FILIP1: variants seen among roughly 807,000 people sequenced by gnomAD.
FILIP1 encodes the protein filamin A interacting protein 1.
Under a neutral mutation model 102.1 loss-of-function variants are expected in FILIP1, and 61 were observed. The ratio of observed to expected loss-of-function variants is 0.60; its 90% CI spans 0.49 to 0.74. The LOEUF is 0.74. FILIP1 is among the 30% of genes least tolerant of loss of function. The pLI is 0.00. For synonymous variants in FILIP1, 491 were observed against 526.9 expected (o/e 0.93, Z 0.93); for missense variants, 1,314 against 1,441.2 (o/e 0.91, Z 1.43).
In FILIP1 at chr6:75,311,208, G is replaced by A. The variant is rs190313648; in HGVS notation, c.3435+1189C>T. Among the ~76,000 whole-genome samples, 219 of 151,982 alleles carry A rather than the reference G, an allele frequency of 1.4e-3. 1 individual carries two copies. The highest frequency in any genetic ancestry group is 5.0e-3 in the African/African-American group (206 of 41,468). On this transcript the variant is annotated intron_variant, in intron 5 of 5. Transcript: ENST00000237172. The stretch of plus-strand genomic sequence containing the variant: ...TTATTTATTTACTTTTTTGAGACAC[G>A]GTCTCACTCTGTCACCCAGGCTGGA...
In FILIP1 at chr6:75,493,421, C is replaced by T. The variant is rs1471886857; in HGVS notation, c.-14G>A. 1 of 152,196 alleles carries T rather than the reference C, an allele frequency of 6.6e-6. No individual in the cohort carries two copies. The highest frequency in any genetic ancestry group is 1.5e-5 in the Non-Finnish European group (1 of 68,046). 9.4% of individuals were successfully genotyped at this position (152,196 alleles called of 1,614,324 possible). A position where few individuals can be genotyped will look rare whatever the true frequency, so the allele number is the denominator to read the frequency against. ...TATTTATTTTGGTCTTACCTGACGG[C>T]AGCTCCTTTAACCAAAGGTATGTCC... On this transcript the variant is annotated 5_prime_UTR_variant, in exon 1 of 6. Transcript: ENST00000237172.
intron 5 of FILIP1, 83 bp downstream of exon 5, chr6:75,312,314 G>T: frequency 1.4e-6 from 2 of 1,385,506 alleles, no homozygotes; most frequent in South Asian, 1.4e-5. Flanking sequence ...ATGTGGCTGG[G>T]TTTTACTGTG....
intron 1 of FILIP1, among the ~76,000 whole-genome samples, chr6:75,462,412 TG>T (rs1779050252): frequency 6.6e-6 from 1 of 152,200 alleles, no homozygotes; most frequent in East Asian, 1.9e-4. Context: ...GCAGGGTCAC[TG>T]GCTAAACAGA....
intron 2 of FILIP1, among the ~76,000 whole-genome samples, chr6:75,399,451 A>G (rs1776580104): frequency 6.6e-6 from 1 of 152,192 alleles, no homozygotes; most frequent in Non-Finnish European, 1.5e-5. Flanking sequence ...TTATTTTACT[A>G]CCATACAATA....
At chr6:75,421,434 A>C (rs1052222678) in intron 1 of FILIP1, among the ~76,000 whole-genome samples, 2 of 152,154 alleles carry the variant, frequency 1.3e-5, no homozygotes, top group Non-Finnish European at 2.9e-5. Context: ...TCCTTAAGTC[A>C]TGGTATATGT....
At chr6:75,355,975 C>T (rs1293318584) in intron 3 of FILIP1, among the ~76,000 whole-genome samples, 5 of 152,274 alleles carry the variant, frequency 3.3e-5, no homozygotes, top group African/African-American at 1.2e-4. Context: ...GCATCCCTGG[C>T]CTCTGTCCAC....
At chr6:75,436,322 A>G (rs1211083129) in intron 1 of FILIP1, among the ~76,000 whole-genome samples, 1 of 151,528 alleles carries the variant, frequency 6.6e-6, no homozygotes, top group Non-Finnish European at 1.5e-5. Context: ...GTGAGCCAAG[A>G]TTGCGCCACT....
chr6:75,321,060 C>G (rs1263445401), intron 4 of FILIP1, among the ~76,000 whole-genome samples: 2 of 152,090 alleles, frequency 1.3e-5, no homozygotes, highest in Non-Finnish European at 2.9e-5. Flanking sequence ...TCTTCCTCTT[C>G]TACTTCCTCC....
At chr6:75,414,232 A>C (rs139344375) in intron 2 of FILIP1, among the ~76,000 whole-genome samples, 252 of 151,970 alleles carry the variant, frequency 1.7e-3, no homozygotes, top group African/African-American at 5.9e-3. Context: ...AGACTGGGCA[A>C]TAAGGCTGGT....
At chr6:75,410,120 T>C (rs138889715) in intron 2 of FILIP1, among the ~76,000 whole-genome samples, 1 of 152,270 alleles carries the variant, frequency 6.6e-6, no homozygotes, top group East Asian at 1.9e-4. Flanking sequence ...CAGGCAATTA[T>C]AACCTCAGAA....
intron 1 of FILIP1, among the ~76,000 whole-genome samples, chr6:75,428,789 C>A (rs1429415273): frequency 4.6e-5 from 7 of 152,122 alleles, no homozygotes; most frequent in Non-Finnish European, 8.8e-5. Flanking sequence ...CCCAACTGAC[C>A]AAACCTTCTT....
In FILIP1 at chr6:75,295,806, G is replaced by C. The variant is rs1044078684; in HGVS notation, c.*104C>G. 2.9e-5 allele frequency: 19 copies of C among 654,468 alleles called. No homozygotes were observed. In the Admixed American group the frequency reaches 3.5e-4, roughly 12 times the overall value. The allele number at this position is 654,468 out of a possible 1,614,324, so 40.5% of individuals were successfully genotyped here. ...CACTGGAAGTAGTAAAATATTTCCAGTAGTGATCAGTAGCATGGAGGACCT... is the reference window on the plus strand; with the variant it reads ...CACTGGAAGTAGTAAAATATTTCCACTAGTGATCAGTAGCATGGAGGACCT... On this transcript the variant is annotated 3_prime_UTR_variant, in exon 7 of 7. Coordinates refer to the FILIP1 transcript ENST00000393004.
rs192153582 is a variant in FILIP1 at position 75,486,186 on chromosome 6, G to A, written c.-7+7228C>T. Reference sequence around the variant, plus strand: ...AAGGTGGGGCTCTGAGTTGTCAATAGGAGCAACAGCAGACAAAAGCCCCAA... The same window carrying A: ...AAGGTGGGGCTCTGAGTTGTCAATAAGAGCAACAGCAGACAAAAGCCCCAA... On this transcript the variant is annotated intron_variant, in intron 1 of 5. Transcript: ENST00000237172. Among the ~76,000 whole-genome samples the A allele has an allele frequency of 3.1e-4, 47 of 152,302 alleles. 1 individual carries two copies. Among genetic ancestry groups the A allele is most frequent in the South Asian group, 6.2e-4 (3 of 4,830 alleles).
chr6:75,330,618 G>A (rs939748672), intron 4 of FILIP1, among the ~76,000 whole-genome samples: 4 of 152,072 alleles, frequency 2.6e-5, no homozygotes, highest in African/African-American at 9.7e-5. Flanking sequence ...AGATCCTGTA[G>A]TTATATTTAT....
chr6:75,386,813 A>C (rs896484167), intron 2 of FILIP1, among the ~76,000 whole-genome samples: 2 of 152,140 alleles, frequency 1.3e-5, no homozygotes, highest in Non-Finnish European at 2.9e-5. Flanking sequence ...CTCACCCTCC[A>C]AACTCAAATC....
chr6:75,468,852 A>G (rs1159738340), intron 1 of FILIP1, among the ~76,000 whole-genome samples: 2 of 152,110 alleles, frequency 1.3e-5, no homozygotes, highest in Non-Finnish European at 2.9e-5. Flanking sequence ...GAAAGAAAAA[A>G]CAAAATCTCT....
chr6:75,488,377 A>C (rs533917810), intron 1 of FILIP1, among the ~76,000 whole-genome samples: 1 of 152,176 alleles, frequency 6.6e-6, no homozygotes, highest in African/African-American at 2.4e-5. Context: ...ACTACCAGAG[A>C]AAGCTATATT....
intron 1 of FILIP1, among the ~76,000 whole-genome samples, chr6:75,433,012 C>A (rs1209298101): frequency 1.3e-5 from 2 of 152,080 alleles, no homozygotes; most frequent in Admixed American, 6.6e-5. Context: ...TGAGCTCATC[C>A]TTTTTTATGG....
intron 1 of FILIP1, among the ~76,000 whole-genome samples, chr6:75,486,464 G>T (rs1017980419): frequency 6.6e-6 from 1 of 152,080 alleles, no homozygotes; most frequent in Non-Finnish European, 1.5e-5. Flanking sequence ...TTTATTCTTT[G>T]CACTTTGTGA....
Sources: allele counts gnomAD v4.1 joint callset (sites outside exome capture counted in the v4.1 genomes callset), GRCh38; gene constraint gnomAD v4.1.1; transcripts MANE v1.5; gene names NCBI Gene and HGNC (gene_info 2026-07-23, HGNC 2026-07-21).